PITPNC1: variants seen among roughly 807,000 people sequenced by gnomAD.
The protein encoded by PITPNC1 is phosphatidylinositol transfer protein cytoplasmic 1.
In PITPNC1, 18 loss-of-function variants were observed where a neutral mutation model predicts 44.7. The ratio of observed to expected loss-of-function variants is 0.40; its 90% CI spans 0.28 to 0.60. PITPNC1 has a LOEUF of 0.60. PITPNC1 is among the 20% of genes least tolerant of loss of function. PITPNC1 has a pLI of 0.39. For synonymous variants in PITPNC1, 141 were observed against 149.6 expected, an observed-to-expected ratio of 0.94 and a Z score of 0.42; for missense variants, 290 against 418.4, an observed-to-expected ratio of 0.69 and a Z score of 2.68.
intron 6 of PITPNC1, among the ~76,000 whole-genome samples, chr17:67,642,374 T>G (rs2144352217): frequency 6.6e-6 from 1 of 152,290 alleles, no homozygotes; most frequent in Admixed American, 6.5e-5. Flanking sequence ...GTGGGGATGG[T>G]GAGGGCAAGC....
At chr17:67,548,482 A>G (rs548450603) in intron 2 of PITPNC1, among the ~76,000 whole-genome samples, 23 of 152,230 alleles carry the variant, frequency 1.5e-4, no homozygotes, top group Non-Finnish European at 2.6e-4. Context: ...TCCCAGCTAC[A>G]TGGTAGGCTG....
intron 5 of PITPNC1, among the ~76,000 whole-genome samples, chr17:67,629,574 G>A (rs2041940331): frequency 6.6e-6 from 1 of 152,116 alleles, no homozygotes; most frequent in African/African-American, 2.4e-5. Context: ...ACTGTGCCTG[G>A]CCTCTGTGTG....
intron 1 of PITPNC1, among the ~76,000 whole-genome samples, chr17:67,400,086 GA>G (rs1315774598): frequency 6.6e-6 from 1 of 152,204 alleles, no homozygotes; most frequent in East Asian, 1.9e-4. Context: ...TGGTGATCAT[GA>G]TGGGCTAGGT....
Position 67,425,258 on chromosome 17 carries a change from CACACAGAG to C in PITPNC1, c.48+47057_48+47064del, listed in dbSNP as rs1209645283. On this transcript the variant is annotated intron_variant, in intron 1 of 8. Transcript: ENST00000581322. ...ACACACACACACACACACACACACA[CACACAGAG>C]GGAGAGAGAGAGAGAAATGACCTCT... Among the ~76,000 whole-genome samples, 389 of 121,630 alleles carry C rather than the reference CACACAGAG, an allele frequency of 3.2e-3. 9 individuals are homozygous for C. The highest frequency in any genetic ancestry group is 5.0e-3 in the Middle Eastern group (1 of 200). The allele number at this position is 121,630 out of a possible 152,430, so 79.8% of individuals were successfully genotyped here.
intron 1 of PITPNC1, among the ~76,000 whole-genome samples, chr17:67,529,371 C>T (rs1177327874): frequency 6.6e-6 from 1 of 152,216 alleles, no homozygotes; most frequent in African/African-American, 2.4e-5. Flanking sequence ...AATAGCTCTT[C>T]TGCCAAGCCC....
chr17:67,621,376 T>C (rs1271096910), intron 5 of PITPNC1, among the ~76,000 whole-genome samples: 2 of 151,804 alleles, frequency 1.3e-5, no homozygotes, highest in Non-Finnish European at 2.9e-5. Context: ...CCTGGCTAAT[T>C]TTTGTATTTT....
intron 5 of PITPNC1, among the ~76,000 whole-genome samples, chr17:67,623,005 A>G (rs2041852472): frequency 1.3e-5 from 2 of 152,054 alleles, no homozygotes; most frequent in South Asian, 2.1e-4. Flanking sequence ...GAGCGGGACA[A>G]CATTGTTAAA....
At chr17:67,687,190 T>C (rs745642559) in intron 8 of PITPNC1, 3 of 1,450,600 alleles carry the variant, frequency 2.1e-6, no homozygotes, top group Admixed American at 1.7e-5. Context: ...CAAGTGTACG[T>C]AGAATTTTTA....
intron 1 of PITPNC1, among the ~76,000 whole-genome samples, chr17:67,404,201 C>A (rs2038363880): frequency 1.3e-5 from 2 of 152,174 alleles, no homozygotes; most frequent in African/African-American, 4.8e-5. Flanking sequence ...GGTAACATTT[C>A]TGGAGCATAT....
intron 5 of PITPNC1, among the ~76,000 whole-genome samples, chr17:67,615,873 A>G (rs2041751390): frequency 6.6e-6 from 1 of 152,126 alleles, no homozygotes; most frequent in Admixed American, 6.6e-5. Context: ...CTACATGTGC[A>G]CATGTGAAGT....
chr17:67,385,490 C>T (rs192436293), intron 1 of PITPNC1, among the ~76,000 whole-genome samples: 107 of 143,156 alleles, frequency 7.5e-4, no homozygotes, highest in African/African-American at 2.6e-3. Flanking sequence ...CTCCCCCCTC[C>T]CCTCCCCCCA....
chr17:67,587,973 C>T (rs1401375798), intron 5 of PITPNC1, among the ~76,000 whole-genome samples: 1 of 152,128 alleles, frequency 6.6e-6, no homozygotes, highest in Non-Finnish European at 1.5e-5. Context: ...TTGAGGCTTG[C>T]TATGACAATA....
chr17:67,675,188 T>C (rs73997218), intron 7 of PITPNC1, among the ~76,000 whole-genome samples: 1,986 of 152,276 alleles, frequency 0.013, 37 homozygotes, highest in African/African-American at 0.046. Flanking sequence ...TTTATTTGTA[T>C]CACTGCTGTG....
chr17:67,457,295 C>T (rs1363912195), intron 1 of PITPNC1: 1 of 152,286 alleles, frequency 6.6e-6, no homozygotes, highest in Non-Finnish European at 1.5e-5. Context: ...CCCTGCTCAG[C>T]TCTCATTTGT....
chr17:67,473,596 C>G (rs1235418653), intron 1 of PITPNC1, among the ~76,000 whole-genome samples: 1 of 152,100 alleles, frequency 6.6e-6, no homozygotes, highest in Non-Finnish European at 1.5e-5. Context: ...AGCCACCGCC[C>G]CCGGCCCTGG....
At chr17:67,526,999 ATGATTGCC>A (rs1368538409) in intron 1 of PITPNC1, among the ~76,000 whole-genome samples, 1 of 149,142 alleles carries the variant, frequency 6.7e-6, no homozygotes, top group African/African-American at 2.4e-5. Context: ...GTCTCTAGTC[ATGATTGCC>A]TGTAATGATG....
intron 1 of PITPNC1, among the ~76,000 whole-genome samples, chr17:67,490,838 A>G (rs2039854588): frequency 6.6e-6 from 1 of 152,124 alleles, no homozygotes; most frequent in Non-Finnish European, 1.5e-5. Context: ...CTTCCCTGAC[A>G]CCATCCACCT....
chr17:67,673,011 T>G (rs947383438), intron 7 of PITPNC1, among the ~76,000 whole-genome samples: 3 of 152,228 alleles, frequency 2.0e-5, no homozygotes, highest in African/African-American at 7.2e-5. Context: ...CATTTACTGA[T>G]GCCTCGATGC....
intron 5 of PITPNC1, chr17:67,613,214 A>C (rs951117841): frequency 4.6e-5 from 7 of 152,324 alleles, no homozygotes; most frequent in African/African-American, 1.7e-4. Context: ...AATGTAGGAT[A>C]ACACCCAAGT....
Sources: gnomAD v4.1 joint callset for allele counts (sites outside exome capture counted in the v4.1 genomes callset) on GRCh38, gnomAD v4.1.1 for gene constraint, MANE v1.5 for transcripts, NCBI Gene and HGNC (gene_info 2026-07-23, HGNC 2026-07-21) for gene names.